The following ADAMTS19 variants were observed in gnomAD, a reference collection of about 807,000 sequenced individuals.
ADAMTS19 encodes the protein A disintegrin and metalloproteinase with thrombospondin motifs 19.
ADAMTS19 carries 93 observed loss-of-function variants against 153.3 expected under a neutral mutation model. The ratio of observed to expected loss-of-function variants is 0.61; its 90% confidence interval spans 0.51 to 0.72. The LOEUF is 0.72. Among genes scored for constraint, ADAMTS19 ranks in the 30% least tolerant of loss-of-function variants. The probability of loss-of-function intolerance (pLI) is 0.00; values close to 1 mark genes in which losing one functional copy is unlikely to be tolerated. For missense variants in ADAMTS19, 1,482 were observed against 1,552.1 expected, an observed-to-expected ratio of 0.95 and a Z score of 0.76; for synonymous variants, 600 against 556.6, an observed-to-expected ratio of 1.08 and a Z score of -1.10.
At chr5:129,575,547 T>G (rs942514999) in intron 7 of ADAMTS19, among the ~76,000 whole-genome samples, 1 of 152,114 alleles carries the variant, frequency 6.6e-6, no homozygotes, top group Non-Finnish European at 1.5e-5. Flanking sequence ...TAAACCTAAA[T>G]AACTTCTTTG....
intron 6 of ADAMTS19, among the ~76,000 whole-genome samples, chr5:129,535,655 C>T (rs1172249202): frequency 6.6e-6 from 1 of 152,200 alleles, no homozygotes; most frequent in East Asian, 1.9e-4. Flanking sequence ...TAGCTGACTT[C>T]AAACTATACT....
chr5:129,461,270 G>C lies in ADAMTS19; in HGVS notation c.260G>C (p.Arg87Pro), dbSNP rs1749644050. The C allele has an allele frequency of 1.6e-6, 2 of 1,273,254 alleles. No individual in the cohort carries two copies. The highest frequency in any genetic ancestry group is 9.8e-7 in the Non-Finnish European group (1 of 1,015,478). 78.9% of individuals were successfully genotyped at this position (1,273,254 alleles called of 1,614,324 possible). ...SARAQAAGSS[R>P]EVRSVAPVPL... ...CGGGCGCAGGCTGCCGGCAGCTCAC[G>C]CGAGGTGCGCTCTGTGGCTCCGGTG... The change falls in exon 2 of 23, where the codon CGC (arginine) becomes CCC (proline). Residue 87 changes from arginine to proline, a missense_variant. By Grantham distance (103) the Arg-to-Pro change is moderately radical. Around this residue, in one of 2 missense-constraint regions of ADAMTS19, gnomAD observed 866 missense variants for 827.7 expected, o/e 1.05. Coordinates refer to ENST00000274487, the MANE Select transcript of ADAMTS19 (RefSeq NM_133638.6). This position sits in a 1 kb window ranked among gnomAD's most constrained non-coding sequence, Gnocchi z 4.6.
chr5:129,634,676 G>A (rs1443776570), intron 10 of ADAMTS19, among the ~76,000 whole-genome samples: 1 of 152,050 alleles, frequency 6.6e-6, no homozygotes, highest in Non-Finnish European at 1.5e-5. Flanking sequence ...AAATGGCTCT[G>A]GGATAACTTA....
intron 7 of ADAMTS19, among the ~76,000 whole-genome samples, chr5:129,562,175 A>AAC (rs1753548150): frequency 6.6e-6 from 1 of 152,218 alleles, no homozygotes; most frequent in African/African-American, 2.4e-5. Flanking sequence ...TCATAACTCA[A>AAC]ACAATCTCAC....
At chr5:129,526,757 A>G (rs1752024490) in intron 4 of ADAMTS19, among the ~76,000 whole-genome samples, 1 of 151,046 alleles carries the variant, frequency 6.6e-6, no homozygotes, top group African/African-American at 2.4e-5. Flanking sequence ...TTCTAGCCCC[A>G]TTTTATGTAT....
chr5:129,599,477 G>A (rs936920822), intron 8 of ADAMTS19, among the ~76,000 whole-genome samples: 4 of 152,016 alleles, frequency 2.6e-5, no homozygotes, highest in African/African-American at 9.7e-5. Flanking sequence ...AAATAATTTT[G>A]TCAAGTACCC....
At chr5:129,638,216 G>A (rs2127015385) in intron 10 of ADAMTS19, among the ~76,000 whole-genome samples, 1 of 152,110 alleles carries the variant, frequency 6.6e-6, no homozygotes, top group African/African-American at 2.4e-5. Context: ...TTAGTCTCTG[G>A]ACAGGTGTAT....
chr5:129,536,454 A>C (rs1188637695), intron 6 of ADAMTS19, among the ~76,000 whole-genome samples: 2 of 152,176 alleles, frequency 1.3e-5, no homozygotes, highest in African/African-American at 4.8e-5. Context: ...ACACTTTTAC[A>C]CTGTTGGTGG....
chr5:129,543,042 TGTTTTG>T (rs1561561545), intron 6 of ADAMTS19, among the ~76,000 whole-genome samples: 2 of 146,542 alleles, frequency 1.4e-5, no homozygotes, highest in Admixed American at 6.7e-5. Flanking sequence ...TTGTTGTTGT[TGTTTTG>T]TTTTTTTTTT....
chr5:129,652,368 G>A (rs576712524), intron 13 of ADAMTS19, among the ~76,000 whole-genome samples: 111 of 152,292 alleles, frequency 7.3e-4, no homozygotes, highest in African/African-American at 2.5e-3. Context: ...CCCTGCCTAG[G>A]AGAATTAAAT....
At chr5:129,648,994 A>G (rs1481620359) in intron 13 of ADAMTS19, 24 bp downstream of exon 13, 6 of 1,539,740 alleles carry the variant, frequency 3.9e-6, no homozygotes, top group Non-Finnish European at 5.3e-6. Context: ...GATCACCACC[A>G]TCTTTGTTAA....
Position 129,461,162 on chromosome 5 carries a change from G to A in ADAMTS19, c.152G>A (p.Arg51Gln), listed in dbSNP as rs913078783. 8 of 1,395,694 alleles carry A rather than the reference G, an allele frequency of 5.7e-6. No individual in the cohort carries two copies. In the African/African-American group the frequency reaches 6.0e-5, roughly 10 times the overall value. The allele number at this position is 1,395,694 out of a possible 1,614,324, so 86.5% of individuals were successfully genotyped here. The change falls in exon 2 of 23, where the codon CGG (arginine) becomes CAG (glutamine). Residue 51 changes from arginine to glutamine, a missense_variant. Coordinates refer to ENST00000274487, the MANE Select transcript of ADAMTS19 (RefSeq NM_133638.6). The surrounding 1 kb of genome is among the most constrained non-coding windows in gnomAD (Gnocchi z 4.6). The stretch of plus-strand genomic sequence containing the variant: ...GTCGTGTTTCCTGCGCTCTGGCGCC[G>A]GGAGCCGGTGGACCCGGCTGGCGGC... Reference protein sequence around the residue: ...WEVVFPALWRREPVDPAGGSG... With the variant: ...WEVVFPALWRQEPVDPAGGSG...
At chr5:129,604,950 C>T (rs1398468086) in intron 8 of ADAMTS19, among the ~76,000 whole-genome samples, 7 of 152,118 alleles carry the variant, frequency 4.6e-5, no homozygotes, top group Non-Finnish European at 8.8e-5. Context: ...AACCAAAAGC[C>T]AAAGAATTAT....
intron 2 of ADAMTS19, among the ~76,000 whole-genome samples, chr5:129,486,161 C>T (rs1401078651): frequency 6.6e-6 from 1 of 152,090 alleles, no homozygotes; most frequent in African/African-American, 2.4e-5. Flanking sequence ...CATTGGTAAA[C>T]TTTGTCAAAC....
chr5:129,667,063 C>T (rs1380532713), intron 16 of ADAMTS19, among the ~76,000 whole-genome samples: 1 of 152,180 alleles, frequency 6.6e-6, no homozygotes, highest in Non-Finnish European at 1.5e-5. Context: ...TCCTGTCTCC[C>T]TCTACAGTAA....
chr5:129,540,884 T>C (rs1012875911), intron 6 of ADAMTS19, among the ~76,000 whole-genome samples: 9 of 152,098 alleles, frequency 5.9e-5, no homozygotes, highest in Non-Finnish European at 1.2e-4. Flanking sequence ...AATGAAACTC[T>C]GTGATGCAGA....
chr5:129,603,896 C>T (rs1750776232), intron 8 of ADAMTS19, among the ~76,000 whole-genome samples: 1 of 152,212 alleles, frequency 6.6e-6, no homozygotes, highest in African/African-American at 2.4e-5. Context: ...CTGTGAGAAA[C>T]ATGGAAGAGT....
At chr5:129,476,179 A>G (rs1750219256) in intron 2 of ADAMTS19, among the ~76,000 whole-genome samples, 1 of 152,040 alleles carries the variant, frequency 6.6e-6, no homozygotes, top group African/African-American at 2.4e-5. Flanking sequence ...GTCTTGATTA[A>G]AAAGAACAAA....
intron 7 of ADAMTS19, among the ~76,000 whole-genome samples, chr5:129,571,017 G>A (rs915305255): frequency 6.6e-6 from 1 of 151,850 alleles, no homozygotes; most frequent in African/African-American, 2.4e-5. Context: ...ACTGAAGCAA[G>A]GCAAGGCTGT....
Sources: gnomAD v4.1 joint callset for allele counts (sites outside exome capture counted in the v4.1 genomes callset) on GRCh38, gnomAD v4.1.1 for gene constraint, gnomAD v4.1.1 regional missense constraint, Gnocchi (gnomAD v3.1) non-coding constraint, MANE v1.5 for transcripts, NCBI Gene and HGNC (gene_info 2026-07-23, HGNC 2026-07-21) for gene names.